The following SNX31 variants were observed in gnomAD, a reference collection of about 807,000 sequenced individuals.
The protein encoded by SNX31 is sorting nexin-31.
A neutral mutation model predicts 65.4 loss-of-function variants in SNX31; 58 were observed. The observed-to-expected ratio is 0.89, with a 90% CI of 0.72 to 1.10. SNX31 has a LOEUF of 1.10. SNX31 is among the 50% of genes least tolerant of loss of function. The pLI is 0.00. For synonymous variants in SNX31, 181 were observed against 190.1 expected, an observed-to-expected ratio of 0.95 and a Z score of 0.39; for missense variants, 523 against 529.7, an observed-to-expected ratio of 0.99 and a Z score of 0.12.
intron 1 of SNX31, among the ~76,000 whole-genome samples, chr8:100,657,474 A>G (rs377660882): frequency 1.8e-3 from 275 of 151,342 alleles, no homozygotes; most frequent in African/African-American, 4.9e-3. Context: ...AAGAAAAAAG[A>G]AAAAAAGAAA....
chr8:100,643,194 A>AC (rs1819387123), intron 2 of SNX31, among the ~76,000 whole-genome samples: 1 of 116,268 alleles, frequency 8.6e-6, no homozygotes, highest in African/African-American at 3.5e-5. Context: ...CTCCGTCTCA[A>AC]AAAAACAAAA....
At chr8:100,633,870 C>G (rs992353273) in intron 3 of SNX31, among the ~76,000 whole-genome samples, 11 of 151,934 alleles carry the variant, frequency 7.2e-5, no homozygotes, top group Non-Finnish European at 1.5e-5. Context: ...TTCTGTAAAC[C>G]AAACTTTCAG....
intron 11 of SNX31, 88 bp from the exon 12 acceptor site, chr8:100,584,276 C>T (rs1226925739): frequency 2.1e-6 from 2 of 970,044 alleles, no homozygotes; most frequent in Non-Finnish European, 3.0e-6. Flanking sequence ...CGGATTTTGA[C>T]TCTGCCCTCC....
rs1017790410 is a variant in SNX31 at position 100,617,857 on chromosome 8, T to C, written c.322-127A>G. 64 of 737,902 alleles carry C rather than the reference T, an allele frequency of 8.7e-5. No individual in the cohort carries two copies. The African/African-American group carries it at 9.5e-4, about 11-fold the overall frequency. The allele number at this position is 737,902 out of a possible 1,614,324, so 45.7% of individuals were successfully genotyped here. A position where few individuals can be genotyped will look rare whatever the true frequency, so the allele number is the denominator to read the frequency against. On this transcript the variant is annotated intron_variant, in intron 4 of 13. Coordinates refer to ENST00000311812, the MANE Select transcript of SNX31 (RefSeq NM_152628.4). ...TTGGCTCACTGCAACCTCTGCCTCC[T>C]GGGTTCAAGTGATTCTCCTTCCTCA...
chr8:100,619,513 A>G (rs1197343172), intron 4 of SNX31, among the ~76,000 whole-genome samples: 1 of 152,234 alleles, frequency 6.6e-6, no homozygotes, highest in Non-Finnish European at 1.5e-5. Flanking sequence ...TTGTTAGGCC[A>G]TCAGAGTTCA....
Position 100,635,974 on chromosome 8 carries a change from G to A in SNX31, c.179C>T (p.Pro60Leu). 1.2e-6 allele frequency: 2 copies of A among 1,614,124 alleles called. No homozygotes were observed. Among genetic ancestry groups the A allele is most frequent in the Non-Finnish European group, 1.7e-6 (2 of 1,179,990 alleles). The change falls in exon 3 of 14, where the codon CCA becomes CTA. Residue 60 changes from proline to leucine, a missense_variant. Coordinates refer to ENST00000311812, the MANE Select transcript of SNX31 (RefSeq NM_152628.4). ...RVFGNCLPPF[P>L]PKYYLAMTTA... The stretch of plus-strand genomic sequence containing the variant: ...GGTCATTGCCAGATAGTACTTTGGT[G>A]GGAAGGGTGGCAGGCAATTTCCAAA...
chr8:100,593,280 T>C (rs535796622), intron 10 of SNX31, among the ~76,000 whole-genome samples: 10 of 152,228 alleles, frequency 6.6e-5, no homozygotes, highest in African/African-American at 1.9e-4. Context: ...ACAGAGAACC[T>C]AGAAACAGAC....
Position 100,588,067 on chromosome 8 carries a change from T to TGTAACACAATGATAA in SNX31, c.1092+798_1092+799insTTATCATTGTGTTAC, listed in dbSNP as rs1814214504. Among the ~76,000 whole-genome samples, 1 of 152,038 alleles carries TGTAACACAATGATAA rather than the reference T, an allele frequency of 6.6e-6. No homozygotes were observed. The highest frequency in any genetic ancestry group is 2.4e-5 in the African/African-American group (1 of 41,376). The stretch of plus-strand genomic sequence containing the variant: ...CAATTGTAACACAATGATAAGTATG[T>TGTAACACAATGATAA]GTATCACCTAAACATAGAAAAGGTA... On this transcript the variant is annotated intron_variant, in intron 11 of 13. Coordinates refer to ENST00000311812, the MANE Select transcript of SNX31 (RefSeq NM_152628.4). This position sits in a 1 kb window ranked among gnomAD's most constrained non-coding sequence, Gnocchi z 4.8.
At chr8:100,608,698 GC>G in intron 7 of SNX31, 135 bp from the exon 8 acceptor site, 1 of 727,908 alleles carries the variant, frequency 1.4e-6, no homozygotes. Context: ...ACCTCCACTT[GC>G]CCAGCTTTCA....
rs760604023 is a variant in SNX31, at chr8:100,630,477, A to G, written c.257-86T>C. The G allele has an allele frequency of 4.8e-5, 53 of 1,103,536 alleles. No homozygotes were observed. The highest frequency in any genetic ancestry group is 6.7e-5 in the Non-Finnish European group (51 of 763,064). The allele number at this position is 1,103,536 out of a possible 1,614,324, so 68.4% of individuals were successfully genotyped here. On this transcript the variant is annotated intron_variant, in intron 3 of 13. Transcript: ENST00000311812. The surrounding 1 kb of genome is among the most constrained non-coding windows in gnomAD (Gnocchi z 5.3). Reference sequence around the variant, plus strand: ...TGCTATGTCCTCCAGAGATCCCTCCATGCCTTGCCAGTGCTCTGTCTCCTC... The same window carrying G: ...TGCTATGTCCTCCAGAGATCCCTCCGTGCCTTGCCAGTGCTCTGTCTCCTC...
In SNX31 at chr8:100,626,134, G is replaced by A. The variant is rs1217429368; in HGVS notation, c.321+4193C>T. On this transcript the variant is annotated intron_variant, in intron 4 of 13. Transcript: ENST00000311812. This position sits in a 1 kb window ranked among gnomAD's most constrained non-coding sequence, Gnocchi z 4.4. ...CCAGCAACTCAGGAGGCTGAGACAG[G>A]AGAATCGCTTGAACCCAGGAGGTGA... Among the ~76,000 whole-genome samples the A allele has an allele frequency of 2.0e-5, 3 of 152,202 alleles. No homozygotes were observed. Among genetic ancestry groups the A allele is most frequent in the African/African-American group, 7.2e-5 (3 of 41,452 alleles).
chr8:100,647,161 T>C (rs1819697823), intron 2 of SNX31, among the ~76,000 whole-genome samples: 1 of 152,100 alleles, frequency 6.6e-6, no homozygotes, highest in Non-Finnish European at 1.5e-5. Context: ...GTAGTTTGTA[T>C]AGAAAGGGGG....
Position 100,603,317 on chromosome 8 carries a change from G to A in SNX31, c.682-2876C>T, listed in dbSNP as rs1815821613. Reference sequence around the variant, plus strand: ...GGGATGGCTGTGTAAGGATAAACAGGAGTCACAGCAATAAGTACCAATCCA... The same window carrying A: ...GGGATGGCTGTGTAAGGATAAACAGAAGTCACAGCAATAAGTACCAATCCA... On this transcript the variant is annotated intron_variant, in intron 8 of 13. Coordinates refer to ENST00000311812, the MANE Select transcript of SNX31 (RefSeq NM_152628.4). Among the ~76,000 whole-genome samples, 3 of 152,130 alleles carry A rather than the reference G, an allele frequency of 2.0e-5. No homozygotes were observed. In the South Asian group the frequency reaches 6.2e-4, roughly 32 times the overall value.
intron 2 of SNX31, among the ~76,000 whole-genome samples, chr8:100,643,946 C>A (rs1478407313): frequency 6.6e-6 from 1 of 152,168 alleles, no homozygotes; most frequent in Admixed American, 6.5e-5. Flanking sequence ...GCATCTCATG[C>A]AATCAAGGAG....
Position 100,588,542 on chromosome 8 carries a change from A to G in SNX31, c.1092+324T>C, listed in dbSNP as rs914491392. On this transcript the variant is annotated intron_variant, in intron 11 of 13. Transcript: ENST00000311812. The surrounding 1 kb of genome is among the most constrained non-coding windows in gnomAD (Gnocchi z 4.8). ...CTTTTAACAGAGTTGAGCAGTTGCA[A>G]CAGAGACTGTATGGATCTCAAATCC... Among the ~76,000 whole-genome samples, 1 of 152,210 alleles carries G rather than the reference A, an allele frequency of 6.6e-6. No individual in the cohort carries two copies. Among genetic ancestry groups the G allele is most frequent in the African/African-American group, 2.4e-5 (1 of 41,450 alleles).
intron 3 of SNX31, among the ~76,000 whole-genome samples, chr8:100,633,196 T>C (rs1303013008): frequency 1.3e-5 from 2 of 152,042 alleles, no homozygotes; most frequent in African/African-American, 4.8e-5. Flanking sequence ...CCCAAAGTGC[T>C]GGAATTGCAG....
chr8:100,615,340 C>G (rs1817076097), intron 5 of SNX31, among the ~76,000 whole-genome samples: 2 of 152,156 alleles, frequency 1.3e-5, no homozygotes, highest in Non-Finnish European at 2.9e-5. Flanking sequence ...ATTCAGCACT[C>G]CCTCCAATAT....
upstream of SNX31, among the ~76,000 whole-genome samples, chr8:100,652,116 T>C (rs28549995): frequency 0.62 from 94,170 of 151,862 alleles, 31,337 homozygotes; most frequent in African/African-American, 0.87. Context: ...GTAGCTGGGA[T>C]TACAGGCACA....
rs1315445402 is a variant in SNX31, at chr8:100,612,530, CAA to C, written c.524-445_524-444del. Among the ~76,000 whole-genome samples the C allele has an allele frequency of 1.3e-5, 2 of 151,266 alleles. No individual in the cohort carries two copies. Among genetic ancestry groups the C allele is most frequent in the Non-Finnish European group, 2.9e-5 (2 of 67,810 alleles). On this transcript the variant is annotated intron_variant, in intron 6 of 13. Coordinates refer to ENST00000311812, the MANE Select transcript of SNX31 (RefSeq NM_152628.4). This position sits in a 1 kb window ranked among gnomAD's most constrained non-coding sequence, Gnocchi z 4.3. Reference sequence around the variant, plus strand: ...ATCTAGAAACATACTGTAGAGAAAACAAAAGATAGGAGAATCAGACTGTCTTC... The same window carrying C: ...ATCTAGAAACATACTGTAGAGAAAACAAGATAGGAGAATCAGACTGTCTTC...
Sources: allele counts gnomAD v4.1 joint callset (sites outside exome capture counted in the v4.1 genomes callset), GRCh38; gene constraint gnomAD v4.1.1; non-coding constraint Gnocchi (gnomAD v3.1); transcripts MANE v1.5; gene names NCBI Gene and HGNC (gene_info 2026-07-23, HGNC 2026-07-21).